ZNF773: variants seen among roughly 807,000 people sequenced by gnomAD.
The protein encoded by ZNF773 is zinc finger protein 773.
In ZNF773, 11 loss-of-function variants were observed where a neutral mutation model predicts 12.8. That is an observed-to-expected ratio of 0.86 (90% CI 0.54 to 1.42). The LOEUF (loss-of-function observed/expected upper bound fraction) is 1.42. Ranked by LOEUF, ZNF773 falls within the 40% of genes most tolerant of loss-of-function variation. The pLI is 0.00. For synonymous variants in ZNF773, 175 were observed against 178.4 expected (o/e 0.98, Z 0.15); for missense variants, 518 against 527.2 (o/e 0.98, Z 0.17).
chr19:57,513,025 C>A, downstream of ZNF773: 7 of 1,565,424 alleles, frequency 4.5e-6, no homozygotes, highest in East Asian at 2.5e-5. Context: ...CATTCAGTCC[C>A]GAACCGACAG....
At chr19:57,513,031 G>A (rs574650265), downstream of ZNF773, 33 of 1,564,662 alleles carry the variant, frequency 2.1e-5, no homozygotes, top group East Asian at 3.0e-4. Context: ...GTCCCGAACC[G>A]ACAGCCACAA....
At position 57,506,570 on chromosome 19, in the gene ZNF773, A is replaced by C. The variant is rs370745263; in HGVS notation, c.475A>C (p.Ser159Arg). The C allele has an allele frequency of 2.5e-6, 4 of 1,614,114 alleles. No homozygotes were observed. Among genetic ancestry groups the C allele is most frequent in the Non-Finnish European group, 2.5e-6 (3 of 1,180,036 alleles). Residue 159 changes from serine to arginine, a missense_variant, in exon 4 of 4, where the codon AGC (serine) becomes CGC (arginine). Ser to Arg is a moderately radical substitution (Grantham distance 110). Coordinates refer to ENST00000282292, the MANE Select transcript of ZNF773 (RefSeq NM_198542.3). ...GGAAGTTGGGAAGGATCTTCTGACC[A>C]GCTCAGGTGTTCTCAAGCACCAGGT... ...SREVGKDLLTSSGVLKHQVTH... is the reference protein window; with the variant it reads ...SREVGKDLLTRSGVLKHQVTH...
At chr19:57,505,497 G>A in intron 3 of ZNF773, 97 bp downstream of exon 3, 1 of 1,358,864 alleles carries the variant, frequency 7.4e-7, no homozygotes, top group African/African-American at 1.4e-5. Context: ...TTGATACCAA[G>A]GCAAGGTGTC....
chr19:57,500,008 C>T lies in ZNF773; in HGVS notation c.-73C>T. On this transcript the variant is annotated 5_prime_UTR_variant, in exon 1 of 4. Transcript: ENST00000282292. ...GTGTTCTCGCAGCTCAGAGGCGGGT[C>T]TGAGGCTCGGTGGCGGCGCCCAGGG... 9 of 1,523,718 alleles carry T rather than the reference C, an allele frequency of 5.9e-6. No homozygotes were observed. Among genetic ancestry groups the T allele is most frequent in the Non-Finnish European group, 7.9e-6 (9 of 1,134,022 alleles). The allele number at this position is 1,523,718 out of a possible 1,614,324, so 94.4% of individuals were successfully genotyped here.
chr19:57,511,141 C>G (rs949898511), downstream of ZNF773, among the ~76,000 whole-genome samples: 1 of 151,804 alleles, frequency 6.6e-6, no homozygotes, highest in Non-Finnish European at 1.5e-5. Context: ...TGTCTGCCCC[C>G]TGGGATTCAT....
At chr19:57,500,531 G>T (rs1400324417) in intron 1 of ZNF773, among the ~76,000 whole-genome samples, 3 of 151,790 alleles carry the variant, frequency 2.0e-5, no homozygotes, top group Non-Finnish European at 4.4e-5. Flanking sequence ...CTGTGAGTAG[G>T]TAAATTCAGT....
chr19:57,516,453 A>G (rs7508122), downstream of ZNF773: 31,502 of 152,274 alleles, frequency 0.21, 3,391 homozygotes, highest in African/African-American at 0.25. Context: ...ATCAGGGAGC[A>G]TGGACACCAG....
chr19:57,514,295 T>C (rs913797458), downstream of ZNF773: 1 of 152,216 alleles, frequency 6.6e-6, no homozygotes, highest in African/African-American at 2.4e-5. Context: ...TAGTCATCTG[T>C]AGGGACAGAT....
downstream of ZNF773, among the ~76,000 whole-genome samples, chr19:57,510,390 C>A (rs1040791530): frequency 7.0e-6 from 1 of 143,798 alleles, no homozygotes; most frequent in Non-Finnish European, 1.6e-5. Flanking sequence ...CCACCTGATA[C>A]AGCACATCTA....
Position 57,499,944 on chromosome 19 carries a change from T to G in ZNF773, c.-137T>G, listed in dbSNP as rs1338934525. The G allele has an allele frequency of 5.0e-6, 6 of 1,208,864 alleles. No individual in the cohort carries two copies. The highest frequency in any genetic ancestry group is 6.7e-6 in the Non-Finnish European group (6 of 892,346). 74.9% of individuals were successfully genotyped at this position (1,208,864 alleles called of 1,614,324 possible). ...AGCTTGCCGGAAGCTGGTTGTTCGC[T>G]GCGGCGACCAGCTCCGGAAAGCGCG... On this transcript the variant is annotated 5_prime_UTR_variant, in exon 1 of 4. Coordinates refer to ENST00000282292, the MANE Select transcript of ZNF773 (RefSeq NM_198542.3).
downstream of ZNF773, chr19:57,517,007 A>G (rs149250387): frequency 2.6e-5 from 4 of 152,370 alleles, no homozygotes; most frequent in African/African-American, 4.8e-5. Context: ...GAGAGGTCCA[A>G]TTCAGGAGTC....
Position 57,500,003 on chromosome 19 carries a change from C to T in ZNF773, c.-78C>T, listed in dbSNP as rs760886432. On this transcript the variant is annotated 5_prime_UTR_variant, in exon 1 of 4. Coordinates refer to ENST00000282292, the MANE Select transcript of ZNF773 (RefSeq NM_198542.3). ...GCGCTGTGTTCTCGCAGCTCAGAGGCGGGTCTGAGGCTCGGTGGCGGCGCC... is the reference window on the plus strand; with the variant it reads ...GCGCTGTGTTCTCGCAGCTCAGAGGTGGGTCTGAGGCTCGGTGGCGGCGCC... The T allele has an allele frequency of 3.3e-6, 5 of 1,512,912 alleles. No individual in the cohort carries two copies. In the South Asian group the frequency reaches 6.1e-5, roughly 19 times the overall value. 93.7% of individuals were successfully genotyped at this position (1,512,912 alleles called of 1,614,324 possible).
chr19:57,518,249 T>C (rs1351537598), exon 5 of ZNF773: 3 of 152,206 alleles, frequency 2.0e-5, no homozygotes, highest in Non-Finnish European at 4.4e-5. Context: ...CTTGTGGTTA[T>C]CTATAGGAAC....
chr19:57,508,664 T>C, downstream of ZNF773: 1 of 634,700 alleles, frequency 1.6e-6, no homozygotes, highest in Non-Finnish European at 2.9e-6. Context: ...AGATTTTCCA[T>C]TTCTTCATAT....
In ZNF773 at chr19:57,500,896, G is replaced by C. The variant is rs74911085; in HGVS notation, c.33+783G>C. On this transcript the variant is annotated intron_variant, in intron 1 of 3. Coordinates refer to ENST00000282292, the MANE Select transcript of ZNF773 (RefSeq NM_198542.3). Reference sequence around the variant, plus strand: ...TCAGATGGTCCCTGAGGTGAGGGAAGGGAGAGATGGGCCTGTAGGATGGGG... The same window carrying C: ...TCAGATGGTCCCTGAGGTGAGGGAACGGAGAGATGGGCCTGTAGGATGGGG... Among the ~76,000 whole-genome samples, 1,373 of 152,248 alleles carry C rather than the reference G, an allele frequency of 9.0e-3. 25 individuals carry two copies. The highest frequency in any genetic ancestry group is 0.03 in the African/African-American group (1,266 of 41,528).
chr19:57,506,505 G>T lies in ZNF773; in HGVS notation c.410G>T (p.Ser137Ile), dbSNP rs374501889. The change falls in exon 4 of 4, where the codon AGT becomes ATT. Residue 137 changes from serine (S) to isoleucine (I), a missense_variant. Physicochemically the swap from Ser to Ile is moderately radical, Grantham distance 142. Coordinates refer to ENST00000282292, the MANE Select transcript of ZNF773 (RefSeq NM_198542.3). ...GAGGGCAGGGTCCCAGTTTTGAGGAGTTGCAGAGTCCACCTATCAGAGAAG... is the reference window on the plus strand; with the variant it reads ...GAGGGCAGGGTCCCAGTTTTGAGGATTTGCAGAGTCCACCTATCAGAGAAG... ...RQEGRVPVLRSCRVHLSEKSL... is the reference protein window; with the variant it reads ...RQEGRVPVLRICRVHLSEKSL... The T allele has an allele frequency of 3.1e-6, 5 of 1,614,078 alleles. No individual in the cohort carries two copies. In the African/African-American group the frequency reaches 6.7e-5, roughly 22 times the overall value.
At chr19:57,512,061 TTTTCTC>T (rs2089800130), downstream of ZNF773, among the ~76,000 whole-genome samples, 1 of 152,172 alleles carries the variant, frequency 6.6e-6, no homozygotes, top group Admixed American at 6.5e-5. Flanking sequence ...GCAATGGTAA[TTTTCTC>T]TATCATGACT....
At chr19:57,505,004 A>G (rs1874578361) in intron 2 of ZNF773, 3 of 801,014 alleles carry the variant, frequency 3.7e-6, no homozygotes, top group East Asian at 2.7e-5. Flanking sequence ...GGGGGTCAGG[A>G]GTCTTGCAGT....
downstream of ZNF773, chr19:57,513,267 C>G (rs2089810953): frequency 6.7e-6 from 3 of 444,944 alleles, no homozygotes; most frequent in Non-Finnish European, 1.1e-5. Context: ...TTTACTTAAA[C>G]AATCTGGTGC....
Sources: gnomAD v4.1 joint callset for allele counts (sites outside exome capture counted in the v4.1 genomes callset) on GRCh38, gnomAD v4.1.1 for gene constraint, MANE v1.5 for transcripts, NCBI Gene and HGNC (gene_info 2026-07-23, HGNC 2026-07-21) for gene names.